PDE4D: variants seen among roughly 807,000 people sequenced by gnomAD.
PDE4D encodes the protein phosphodiesterase 4D, also known as 3',5'-cyclic-AMP phosphodiesterase 4D.
PDE4D carries 24 observed loss-of-function variants against 87.4 expected under a neutral mutation model. That is an observed-to-expected ratio of 0.27 (90% CI 0.20 to 0.39). The LOEUF (loss-of-function observed/expected upper bound fraction) is 0.39. Among genes scored for constraint, PDE4D ranks in the 10% least tolerant of loss-of-function variants. PDE4D has a pLI of 1.00. For missense variants in PDE4D, 714 were observed against 1,041.0 expected, an observed-to-expected ratio of 0.69 and a Z score of 4.32; for synonymous variants, 384 against 383.2, an observed-to-expected ratio of 1.00 and a Z score of -0.02.
chr5:60,145,588 T>A (rs1335903818), intron 2 of PDE4D, among the ~76,000 whole-genome samples: 1 of 152,174 alleles, frequency 6.6e-6, no homozygotes, highest in African/African-American at 2.4e-5. Flanking sequence ...TGAAGAAGTA[T>A]TTGGAAACTT....
chr5:60,303,764 T>C (rs984494511), intron 1 of PDE4D, among the ~76,000 whole-genome samples: 1 of 152,218 alleles, frequency 6.6e-6, no homozygotes, highest in Non-Finnish European at 1.5e-5. Flanking sequence ...AAAGAACGTA[T>C]ATTCTGTTGT....
At chr5:59,387,247 T>C (rs562848576) in intron 1 of PDE4D, among the ~76,000 whole-genome samples, 1 of 152,338 alleles carries the variant, frequency 6.6e-6, no homozygotes, top group Non-Finnish European at 1.5e-5. Flanking sequence ...TTTACAATAT[T>C]TATTTAGCTT....
At chr5:60,516,319 C>T (rs1750801200) in intron 1 of PDE4D, among the ~76,000 whole-genome samples, 2 of 152,210 alleles carry the variant, frequency 1.3e-5, no homozygotes. Context: ...GCATTAGAGG[C>T]AACATACATT....
At chr5:59,771,528 A>AAG (rs1315628441) in intron 1 of PDE4D, among the ~76,000 whole-genome samples, 1 of 147,344 alleles carries the variant, frequency 6.8e-6, no homozygotes, top group African/African-American at 2.7e-5. Context: ...GAAAGAAAGA[A>AAG]AGAAAGAAAG....
rs1265121637 is a variant in PDE4D at position 59,185,239 on chromosome 5, T to C, written c.708A>G (p.Val236=). The change falls in exon 4 of 15, where the codon GTA becomes GTG. Residue 236 remains valine (V), a synonymous_variant. Coordinates refer to ENST00000340635, the MANE Select transcript of PDE4D (RefSeq NM_001104631.2). The part of the protein sequence containing the change: ...FAQVLASLRT[V]RNNFAALTNL... ...TAGTTAATGCAGCAAAGTTGTTTCG[T>C]ACAGTTCGCAGACTGGCCAAGACCT... The C allele has an allele frequency of 6.2e-7, 1 of 1,612,740 alleles. No individual in the cohort carries two copies. The highest frequency in any genetic ancestry group is 1.3e-5 in the African/African-American group (1 of 74,894).
intron 1 of PDE4D, among the ~76,000 whole-genome samples, chr5:59,364,870 T>C (rs1782801489): frequency 1.3e-5 from 2 of 148,200 alleles, no homozygotes; most frequent in African/African-American, 5.3e-5. Context: ...CCTACCTACC[T>C]TCCTTCCTTC....
chr5:59,236,965 G>A (rs567600417), intron 1 of PDE4D, among the ~76,000 whole-genome samples: 1 of 152,194 alleles, frequency 6.6e-6, no homozygotes, highest in East Asian at 1.9e-4. Flanking sequence ...ACGGCACTTA[G>A]GTTACTTTAA....
At chr5:60,049,894 C>T (rs1454239778) in intron 2 of PDE4D, among the ~76,000 whole-genome samples, 2 of 152,222 alleles carry the variant, frequency 1.3e-5, no homozygotes, top group East Asian at 3.9e-4. Flanking sequence ...TGGGCTCCAC[C>T]CAGTTTGAGC....
At chr5:59,028,738 G>A (rs1208179586) in intron 6 of PDE4D, among the ~76,000 whole-genome samples, 2 of 152,042 alleles carry the variant, frequency 1.3e-5, no homozygotes, top group African/African-American at 4.8e-5. Context: ...TCCTCTAGTG[G>A]AGAAATCCAA....
chr5:59,411,196 G>A (rs1214142973), intron 1 of PDE4D, among the ~76,000 whole-genome samples: 1 of 152,098 alleles, frequency 6.6e-6, no homozygotes, highest in African/African-American at 2.4e-5. Flanking sequence ...CAAAGGGAAT[G>A]GTTTGCTGGT....
chr5:59,778,867 T>C (rs745471481), intron 1 of PDE4D, among the ~76,000 whole-genome samples: 1 of 152,242 alleles, frequency 6.6e-6, no homozygotes, highest in African/African-American at 2.4e-5. Context: ...TACATTGTTT[T>C]AGAAATCCTT....
intron 1 of PDE4D, among the ~76,000 whole-genome samples, chr5:59,693,197 T>C (rs1374759825): frequency 5.3e-5 from 8 of 151,814 alleles, no homozygotes; most frequent in African/African-American, 1.7e-4. Context: ...GTAAAAAATA[T>C]ATAAATAAAA....
Position 60,128,753 on chromosome 5 carries a change from C to A in PDE4D, c.42+56804G>T, listed in dbSNP as rs1779332002. ...CTACGTTGGAAGCAACTCAGAGGGG[C>A]AGCATTTATCTCACAGACCATGATC... is the stretch of plus-strand genomic sequence containing the variant. On this transcript the variant is annotated intron_variant, in intron 2 of 16. Coordinates refer to the PDE4D transcript ENST00000502484. 3.3e-5 allele frequency among the ~76,000 whole-genome samples: 5 copies of A among 152,320 alleles called. No individual in the cohort carries two copies. The South Asian group carries it at 1.0e-3, about 32-fold the overall frequency.
intron 1 of PDE4D, among the ~76,000 whole-genome samples, chr5:59,469,918 G>A (rs1802188494): frequency 6.6e-6 from 1 of 152,108 alleles, no homozygotes; most frequent in East Asian, 1.9e-4. Flanking sequence ...TCAAAACCAA[G>A]AAGCACAAAA....
At chr5:58,996,560 T>G (rs1439361325) in intron 6 of PDE4D, among the ~76,000 whole-genome samples, 1 of 152,146 alleles carries the variant, frequency 6.6e-6, no homozygotes, top group Non-Finnish European at 1.5e-5. Flanking sequence ...GCTGCCCTCC[T>G]TGCACTTCTC....
intron 5 of PDE4D, among the ~76,000 whole-genome samples, chr5:59,152,972 T>C (rs1779666407): frequency 1.3e-5 from 2 of 152,024 alleles, no homozygotes; most frequent in Admixed American, 1.3e-4. Context: ...TTAGGGCAGA[T>C]AAAGTATGAG....
At chr5:59,153,296 C>T (rs913631042) in intron 5 of PDE4D, among the ~76,000 whole-genome samples, 11 of 152,160 alleles carry the variant, frequency 7.2e-5, no homozygotes, top group African/African-American at 2.7e-4. Context: ...CTCGGACACA[C>T]CAAAAGAAAT....
At chr5:59,600,297 T>A (rs78467252) in intron 1 of PDE4D, among the ~76,000 whole-genome samples, 11 of 152,292 alleles carry the variant, frequency 7.2e-5, no homozygotes, top group Non-Finnish European at 1.6e-4. Context: ...TAAAAATATA[T>A]CTTCACAAGT....
intron 5 of PDE4D, among the ~76,000 whole-genome samples, chr5:59,137,821 C>A (rs1001185854): frequency 1.3e-5 from 2 of 152,228 alleles, no homozygotes; most frequent in Non-Finnish European, 2.9e-5. Context: ...CCACCACGCC[C>A]AGCCTTAAGG....
Sources: allele counts gnomAD v4.1 joint callset (sites outside exome capture counted in the v4.1 genomes callset), GRCh38; gene constraint gnomAD v4.1.1; transcripts MANE v1.5; gene names NCBI Gene and HGNC (gene_info 2026-07-23, HGNC 2026-07-21).